The following FGF2 variants were observed in gnomAD, a reference collection of about 807,000 sequenced individuals.
FGF2 encodes the protein fibroblast growth factor 2.
In FGF2, 13 loss-of-function variants were observed where a neutral mutation model predicts 15.9. The observed-to-expected ratio is 0.82, with a 90% CI of 0.53 to 1.30. The LOEUF (loss-of-function observed/expected upper bound fraction) is 1.30. Ranked by LOEUF, FGF2 falls within the 50% of genes most tolerant of loss-of-function variation. The pLI is 0.00. For missense variants in FGF2, 163 were observed against 196.9 expected (o/e 0.83, Z 1.03); for synonymous variants, 90 against 78.4 (o/e 1.15, Z -0.78).
chr4:122,827,377 C>T lies in FGF2; in HGVS notation c.178+25C>T, dbSNP rs45613534. On this transcript the variant is annotated intron_variant, in intron 1 of 2. Coordinates refer to ENST00000644866, the MANE Select transcript of FGF2 (RefSeq NM_001361665.2). The surrounding 1 kb of genome is among the most constrained non-coding windows in gnomAD (Gnocchi z 4.2). ...AGTGAGTGCCGACCCGCTCTCTCCG[C>T]CTCATTTCCATTTCGTGGGTTCTCG... 1,488 of 1,612,094 alleles carry T rather than the reference C, an allele frequency of 9.2e-4. 13 individuals carry two copies. In the African/African-American group the frequency reaches 0.018, roughly 19 times the overall value.
chr4:122,876,471 C>T (rs1434204058), intron 2 of FGF2, 47 bp downstream of exon 2: 1 of 1,135,170 alleles, frequency 8.8e-7, no homozygotes, highest in Non-Finnish European at 1.3e-6. Flanking sequence ...GCTTTTATTG[C>T]TGTTAATTTA....
Position 122,827,421 on chromosome 4 carries a change from G to A in FGF2, c.178+69G>A, listed in dbSNP as rs1174342544. 2.6e-6 allele frequency: 4 copies of A among 1,540,488 alleles called. No homozygotes were observed. Among genetic ancestry groups the A allele is most frequent in the Non-Finnish European group, 3.6e-6 (4 of 1,118,060 alleles). ...GTTCTCGCCCGCTCTCTCCCCTCCA[G>A]CCTGCACCCTCCTCCCGGATCTTCA... On this transcript the variant is annotated intron_variant, in intron 1 of 2. Transcript: ENST00000644866. The surrounding 1 kb of genome is among the most constrained non-coding windows in gnomAD (Gnocchi z 4.2).
chr4:122,877,802 G>A (rs1726887713), intron 2 of FGF2, among the ~76,000 whole-genome samples: 1 of 152,160 alleles, frequency 6.6e-6, no homozygotes, highest in African/African-American at 2.4e-5. Flanking sequence ...TCTGAATGAA[G>A]ACCTTTGGAT....
In FGF2 at chr4:122,894,937, T is replaced by C. The variant is rs1727304584; in HGVS notation, c.*2541T>C. 1 of 152,230 alleles carries C rather than the reference T, an allele frequency of 6.6e-6. No homozygotes were observed. Among genetic ancestry groups the C allele is most frequent in the Non-Finnish European group, 1.5e-5 (1 of 68,044 alleles). The allele number at this position is 152,230 out of a possible 1,614,324, so 9.4% of individuals were successfully genotyped here. A position where few individuals can be genotyped will look rare whatever the true frequency, so the allele number is the denominator to read the frequency against. On this transcript the variant is annotated 3_prime_UTR_variant, in exon 3 of 3. Coordinates refer to ENST00000644866, the MANE Select transcript of FGF2 (RefSeq NM_001361665.2). ...AATCAAAAGTTCGGCATGTAGCTCA[T>C]GATCTATGCTGTTTCTATGTCGTGG... is the stretch of plus-strand genomic sequence containing the variant.
chr4:122,852,229 A>T (rs1009023491), intron 1 of FGF2, among the ~76,000 whole-genome samples: 2 of 152,188 alleles, frequency 1.3e-5, no homozygotes, highest in African/African-American at 4.8e-5. Flanking sequence ...ATGCAGCTGC[A>T]GTCAAGTGGT....
chr4:122,896,906 G>A lies in FGF2; in HGVS notation c.*4510G>A, dbSNP rs1727374354. ...TGGTATCAAACAAATACATTGATTT[G>A]TCATGATACACATTGAATTTGATCC... On this transcript the variant is annotated 3_prime_UTR_variant, in exon 3 of 3. Coordinates refer to ENST00000644866, the MANE Select transcript of FGF2 (RefSeq NM_001361665.2). 6.6e-6 allele frequency: 1 copy of A among 152,148 alleles called. No homozygotes were observed. Among genetic ancestry groups the A allele is most frequent in the African/African-American group, 2.4e-5 (1 of 41,454 alleles). 9.4% of individuals were successfully genotyped at this position (152,148 alleles called of 1,614,324 possible).
rs1480575687 is a variant in FGF2 at position 122,855,091 on chromosome 4, A to T, written c.179-21230A>T. ...TTTAATCCAGAAAGAGGTGCCAGGA[A>T]CACAAACAGCCCGGCTAATTGGCAT... On this transcript the variant is annotated intron_variant, in intron 1 of 2. Coordinates refer to ENST00000644866, the MANE Select transcript of FGF2 (RefSeq NM_001361665.2). Among the ~76,000 whole-genome samples, 25 of 152,312 alleles carry T rather than the reference A, an allele frequency of 1.6e-4. No homozygotes were observed. The East Asian group carries it at 4.6e-3, about 28-fold the overall frequency.
chr4:122,877,171 G>A (rs1485221208), intron 2 of FGF2, among the ~76,000 whole-genome samples: 1 of 151,012 alleles, frequency 6.6e-6, no homozygotes, highest in East Asian at 1.9e-4. Context: ...GTGCAGTGGC[G>A]TAATCTCGGG....
upstream of FGF2, chr4:122,826,704 A>C (rs944146082): frequency 2.4e-6 from 3 of 1,254,226 alleles, no homozygotes; most frequent in Non-Finnish European, 2.0e-6. Flanking sequence ...CCGAACTCAG[A>C]GGCCGGCCCC....
At position 122,876,438 on chromosome 4, in the gene FGF2, C is replaced by G; in HGVS notation, c.282+14C>G. 1.3e-6 allele frequency: 2 copies of G among 1,511,116 alleles called. No homozygotes were observed. The highest frequency in any genetic ancestry group is 2.2e-5 in the South Asian group (2 of 88,930). 93.6% of individuals were successfully genotyped at this position (1,511,116 alleles called of 1,614,324 possible). ...TTACTGGCTTCTGTAAGCATACTTT[C>G]TGTTTTCACACGTTTTTTGTTAGCT... On this transcript the variant is annotated intron_variant, in intron 2 of 2. Transcript: ENST00000644866.
At chr4:122,886,692 C>T (rs946222883) in intron 2 of FGF2, among the ~76,000 whole-genome samples, 5 of 152,144 alleles carry the variant, frequency 3.3e-5, no homozygotes, top group African/African-American at 1.2e-4. Flanking sequence ...TTTCAGTTGG[C>T]TCCTGTGCCC....
At chr4:122,851,431 T>C (rs1020336684) in intron 1 of FGF2, among the ~76,000 whole-genome samples, 1 of 152,086 alleles carries the variant, frequency 6.6e-6, no homozygotes, top group Non-Finnish European at 1.5e-5. Context: ...AAGAGTATAA[T>C]CCCAGAAAAG....
intron 1 of FGF2, 59 bp from the exon 2 acceptor site, chr4:122,876,262 T>G: frequency 1.0e-6 from 1 of 997,814 alleles, no homozygotes; most frequent in Non-Finnish European, 1.6e-6. Flanking sequence ...TGCGTAAATA[T>G]TGTGAAGAAG....
intron 1 of FGF2, among the ~76,000 whole-genome samples, chr4:122,864,502 A>G (rs1336474269): frequency 6.6e-6 from 1 of 152,202 alleles, no homozygotes; most frequent in Non-Finnish European, 1.5e-5. Context: ...ATATCCAGCT[A>G]GTGTTAAAAT....
At chr4:122,844,586 T>TTCCTTCCTTCCTTC (rs1560740322) in intron 1 of FGF2, among the ~76,000 whole-genome samples, 1,693 of 133,792 alleles carry the variant, frequency 0.013, 22 homozygotes, top group Middle Eastern at 0.04. Flanking sequence ...TTTCTTTCTT[T>TTCCTTCCTTCCTTC]CTTCCTTCCT....
At chr4:122,828,028 G>T (rs1310253841) in intron 1 of FGF2, among the ~76,000 whole-genome samples, 2 of 152,216 alleles carry the variant, frequency 1.3e-5, no homozygotes, top group Non-Finnish European at 2.9e-5. Context: ...TTGAGACCTT[G>T]AGCCGACGCT....
At chr4:122,891,241 C>T (rs572924650) in intron 2 of FGF2, among the ~76,000 whole-genome samples, 155 of 151,622 alleles carry the variant, frequency 1.0e-3, no homozygotes, top group Admixed American at 2.5e-3. Flanking sequence ...GGGGTTTCAC[C>T]GTGTTAGCCA....
chr4:122,838,562 T>C (rs1725912321), intron 1 of FGF2, among the ~76,000 whole-genome samples: 1 of 152,140 alleles, frequency 6.6e-6, no homozygotes, highest in African/African-American at 2.4e-5. Context: ...CTAGACTTCT[T>C]AGTGTTTAGA....
chr4:122,871,393 T>G (rs2150781505), intron 1 of FGF2, among the ~76,000 whole-genome samples: 1 of 152,214 alleles, frequency 6.6e-6, no homozygotes, highest in African/African-American at 2.4e-5. Flanking sequence ...TCTGTCTCAT[T>G]GATCTAATAC....
Sources: gnomAD v4.1 joint callset for allele counts (sites outside exome capture counted in the v4.1 genomes callset) on GRCh38, gnomAD v4.1.1 for gene constraint, Gnocchi (gnomAD v3.1) non-coding constraint, MANE v1.5 for transcripts, NCBI Gene and HGNC (gene_info 2026-07-23, HGNC 2026-07-21) for gene names.